BIRC6: variants seen among roughly 807,000 people sequenced by gnomAD.
BIRC6 encodes dual E2 ubiquitin-conjugating enzyme/E3 ubiquitin-protein ligase BIRC6.
In BIRC6, 98 loss-of-function variants were observed where a neutral mutation model predicts 503.3. The observed-to-expected ratio is 0.19, with a 90% CI of 0.17 to 0.23. The LOEUF (loss-of-function observed/expected upper bound fraction) is 0.23, where lower values mean the gene tolerates loss of function less well. BIRC6 is among the 10% of genes least tolerant of loss of function. BIRC6 has a pLI of 1.00. For synonymous variants in BIRC6, 2,240 were observed against 2,078.7 expected (o/e 1.08, Z -2.11); for missense variants, 5,360 against 5,806.0 (o/e 0.92, Z 2.50).
intron 39 of BIRC6, among the ~76,000 whole-genome samples, chr2:32,485,375 T>C (rs532150736): frequency 1.2e-4 from 19 of 152,350 alleles, no homozygotes; most frequent in African/African-American, 4.6e-4. Flanking sequence ...GAAACCTGGT[T>C]CTCATTATCC....
chr2:32,486,696 T>G (rs910523998), intron 40 of BIRC6, among the ~76,000 whole-genome samples: 7 of 152,104 alleles, frequency 4.6e-5, no homozygotes, highest in Admixed American at 1.3e-4. Flanking sequence ...GAAATTTGAG[T>G]TTTTACATCT....
chr2:32,387,640 T>A (rs900257698), intron 3 of BIRC6, among the ~76,000 whole-genome samples: 7 of 152,188 alleles, frequency 4.6e-5, no homozygotes, highest in Non-Finnish European at 1.0e-4. Flanking sequence ...TTGCTATTGC[T>A]GGATTATGGT....
intron 54 of BIRC6, among the ~76,000 whole-genome samples, chr2:32,513,548 GAAGAT>G (rs1327258329): frequency 1.3e-5 from 2 of 152,186 alleles, no homozygotes; most frequent in Admixed American, 1.3e-4. Flanking sequence ...GCCGAGGTGG[GAAGAT>G]CGCTTGAGTC....
intron 71 of BIRC6, among the ~76,000 whole-genome samples, chr2:32,604,758 G>C (rs889377806): frequency 1.3e-5 from 2 of 152,106 alleles, no homozygotes; most frequent in African/African-American, 4.8e-5. Context: ...AGGTTCAGGG[G>C]TTCCACTGCA....
chr2:32,484,824 C>T (rs2050816393), intron 39 of BIRC6, among the ~76,000 whole-genome samples: 1 of 152,154 alleles, frequency 6.6e-6, no homozygotes, highest in Middle Eastern at 3.2e-3. Context: ...CATGCTGTAC[C>T]ACACCTGGCA....
chr2:32,586,144 T>G (rs560486603), intron 66 of BIRC6, among the ~76,000 whole-genome samples: 246 of 152,222 alleles, frequency 1.6e-3, no homozygotes, highest in African/African-American at 5.8e-3. Context: ...AGTTCATTGA[T>G]CATTAGGATT....
At chr2:32,583,008 C>T (rs2060785682) in intron 66 of BIRC6, among the ~76,000 whole-genome samples, 2 of 152,086 alleles carry the variant, frequency 1.3e-5, no homozygotes, top group South Asian at 4.2e-4. Context: ...TTAAGTTGTC[C>T]TCAATTACAC....
rs969621024 is a variant in BIRC6, at chr2:32,380,270, G to A, written c.625G>A (p.Ala209Thr). ...AAAAAATACATCTCATGAGACTGCAGCAAACCACAAAGTTGCTAAGGTAAG... is the reference window on the plus strand; with the variant it reads ...AAAAAATACATCTCATGAGACTGCAACAAACCACAAAGTTGCTAAGGTAAG... ...GLKNTSHETA[A>T]NHKVAKWATV... Residue 209 changes from alanine to threonine, a missense_variant, in exon 3 of 74, where the codon GCA becomes ACA. Physicochemically the swap from Ala to Thr is moderately conservative, Grantham distance 58. This residue lies in a region of BIRC6 where 134 missense variants were observed against 150.9 expected (regional missense o/e 0.89). Transcript: ENST00000421745. 1.9e-6 allele frequency: 3 copies of A among 1,602,698 alleles called. No individual in the cohort carries two copies. The highest frequency in any genetic ancestry group is 2.2e-5 in the East Asian group (1 of 44,674).
At chr2:32,427,622 G>A (rs898004548) in intron 10 of BIRC6, among the ~76,000 whole-genome samples, 1 of 151,942 alleles carries the variant, frequency 6.6e-6, no homozygotes. Context: ...TTGTTGAGTC[G>A]TTTATACCAT....
intron 26 of BIRC6, among the ~76,000 whole-genome samples, chr2:32,467,219 G>A (rs60896690): frequency 0.039 from 5,994 of 152,030 alleles, 184 homozygotes; most frequent in African/African-American, 0.093. Flanking sequence ...GCAGCCTGGA[G>A]CTCCTCGGCT....
chr2:32,599,327 A>T (rs1279664560), intron 69 of BIRC6, among the ~76,000 whole-genome samples: 1 of 78,242 alleles, frequency 1.3e-5, no homozygotes, highest in Non-Finnish European at 3.5e-5. Context: ...AGACTGTCTT[A>T]AAAAAAAAAA....
At chr2:32,359,987 G>A (rs923860127) in intron 1 of BIRC6, among the ~76,000 whole-genome samples, 3 of 152,184 alleles carry the variant, frequency 2.0e-5, no homozygotes, top group African/African-American at 7.2e-5. Context: ...CAGGTATTTA[G>A]TAAGTTTGCT....
In BIRC6 at chr2:32,518,248, T is replaced by G. The variant is rs2055275195; in HGVS notation, c.11350-6T>G. On this transcript the variant is annotated splice_region_variant and splice_polypyrimidine_tract_variant and intron_variant, in intron 55 of 73. Transcript: ENST00000421745. ...ATTTAACTTTTTAAATATTTTGTCT[T>G]GCCAGGTTCTTTGTGAACTATTTCA... The G allele has an allele frequency of 1.2e-6, 2 of 1,610,666 alleles. No homozygotes were observed. The highest frequency in any genetic ancestry group is 1.7e-6 in the Non-Finnish European group (2 of 1,178,718).
intron 41 of BIRC6, 88 bp downstream of exon 41, chr2:32,487,889 T>C: frequency 9.2e-7 from 1 of 1,085,230 alleles, no homozygotes; most frequent in African/African-American, 1.6e-5. Flanking sequence ...ATTCTAATCC[T>C]GTCAGGGATG....
chr2:32,429,132 T>C lies in BIRC6; in HGVS notation c.2873-14T>C, dbSNP rs1294079042. The stretch of plus-strand genomic sequence containing the variant: ...CCTATTTTTCATGTATCTATGAAAT[T>C]TACTACACTGTAGGTGGTGAGCTTC... On this transcript the variant is annotated splice_polypyrimidine_tract_variant and intron_variant, in intron 10 of 73. Transcript: ENST00000421745. 1 of 1,571,328 alleles carries C rather than the reference T, an allele frequency of 6.4e-7. No homozygotes were observed. The highest frequency in any genetic ancestry group is 1.2e-5 in the South Asian group (1 of 83,030).
At chr2:32,480,881 C>G (rs1439766756) in intron 37 of BIRC6, among the ~76,000 whole-genome samples, 1 of 151,938 alleles carries the variant, frequency 6.6e-6, no homozygotes, top group African/African-American at 2.4e-5. Flanking sequence ...ACCTTGTGAT[C>G]TACCTGCCTC....
In BIRC6 at chr2:32,467,619, T is replaced by A; in HGVS notation, c.5451T>A (p.Ile1817=). 6.2e-7 allele frequency: 1 copy of A among 1,613,922 alleles called. No homozygotes were observed. Among genetic ancestry groups the A allele is most frequent in the Non-Finnish European group, 8.5e-7 (1 of 1,179,876 alleles). ...GTGGAGACTTGGCCTCTTTGTCAAT[T>A]GACATTTGGACATTAGGAGAAGAGG... ...PTCGDLASLS[I]DIWTLGEEVD... The change falls in exon 27 of 74, where the codon ATT becomes ATA. Residue 1817 remains isoleucine, a synonymous_variant. Coordinates refer to ENST00000421745, the MANE Select transcript of BIRC6 (RefSeq NM_016252.4).
intron 71 of BIRC6, among the ~76,000 whole-genome samples, chr2:32,604,653 A>G (rs1216836044): frequency 2.0e-5 from 3 of 152,192 alleles, no homozygotes; most frequent in Non-Finnish European, 4.4e-5. Context: ...TCAGCAGACA[A>G]TAAATTATAG....
chr2:32,523,883 G>A (rs1486047875), intron 57 of BIRC6, among the ~76,000 whole-genome samples: 7 of 151,922 alleles, frequency 4.6e-5, no homozygotes, highest in Admixed American at 1.3e-4. Flanking sequence ...GCGAAACCTC[G>A]TCTCTCCTAA....
Sources: gnomAD v4.1 joint callset for allele counts (sites outside exome capture counted in the v4.1 genomes callset) on GRCh38, gnomAD v4.1.1 for gene constraint, gnomAD v4.1.1 regional missense constraint, MANE v1.5 for transcripts, NCBI Gene and HGNC (gene_info 2026-07-23, HGNC 2026-07-21) for gene names.